NUP210: variants seen among roughly 807,000 people sequenced by gnomAD.
NUP210 encodes the protein nucleoporin 210.
In NUP210, 151 loss-of-function variants were observed where a neutral mutation model predicts 196.0. The ratio of observed to expected loss-of-function variants is 0.77; its 90% CI spans 0.67 to 0.88. The LOEUF (loss-of-function observed/expected upper bound fraction) is 0.88, where lower values mean the gene tolerates loss of function less well. Among genes scored for constraint, NUP210 ranks in the 40% least tolerant of loss-of-function variants. The pLI, the probability that NUP210 is intolerant of heterozygous loss-of-function variation, is 0.00. For missense variants in NUP210, 2,314 were observed against 2,493.7 expected (o/e 0.93, Z 1.53); for synonymous variants, 1,070 against 1,052.7 (o/e 1.02, Z -0.32).
rs1167189036 is a variant in NUP210 at position 13,420,279 on chromosome 3, C to G, written c.-53G>C. The G allele has an allele frequency of 2.1e-5, 21 of 1,023,152 alleles. No individual in the cohort carries two copies. The South Asian group carries it at 6.2e-4, about 30-fold the overall frequency. 63.4% of individuals were successfully genotyped at this position (1,023,152 alleles called of 1,614,324 possible). The stretch of plus-strand genomic sequence containing the variant: ...CTGCGCCCGGCCGCCCGCGCCGCCC[C>G]GTTGCCCTCCGCTCCCGCCCGCGCG... On this transcript the variant is annotated 5_prime_UTR_variant, in exon 1 of 40. Transcript: ENST00000254508. The surrounding 1 kb of genome is among the most constrained non-coding windows in gnomAD (Gnocchi z 4.8).
chr3:13,330,522 T>C lies in NUP210; in HGVS notation c.4048A>G (p.Thr1350Ala), dbSNP rs754228828. ...LASGSMIGTS[T>A]IEVIAQEPFG... is the part of the protein sequence containing the mutation. The stretch of plus-strand genomic sequence containing the variant: ...GGCTCTTGTGCAATCACTTCGATGG[T>C]GGATGTCCCGATCATAGACCCTGAT... The change falls in exon 30 of 40, where the codon ACC becomes GCC. Residue 1350 changes from threonine to alanine, a missense_variant. Coordinates refer to ENST00000254508, the MANE Select transcript of NUP210 (RefSeq NM_024923.4). The C allele has an allele frequency of 1.9e-6, 3 of 1,614,146 alleles. No homozygotes were observed. The highest frequency in any genetic ancestry group is 2.5e-6 in the Non-Finnish European group (3 of 1,180,056).
At position 13,347,109 on chromosome 3, in the gene NUP210, C is replaced by T. The variant is rs754718297; in HGVS notation, c.2836-3806G>A. ...CCTCACCTGAACAATGGCCCCATGA[C>T]GGGCTGCGCCTCACAGGACCCAGGA... is the stretch of plus-strand genomic sequence containing the variant. On this transcript the variant is annotated intron_variant, in intron 20 of 39. Coordinates refer to ENST00000254508, the MANE Select transcript of NUP210 (RefSeq NM_024923.4). This position sits in a 1 kb window ranked among gnomAD's most constrained non-coding sequence, Gnocchi z 4.7. 243 of 985,312 alleles carry T rather than the reference C, an allele frequency of 2.5e-4. No homozygotes were observed. Among genetic ancestry groups the T allele is most frequent in the Admixed American group, 7.4e-4 (12 of 16,262 alleles). The allele number at this position is 985,312 out of a possible 1,614,324, so 61.0% of individuals were successfully genotyped here.
At position 13,387,969 on chromosome 3, in the gene NUP210, G is replaced by A. The variant is rs185995479; in HGVS notation, c.684+334C>T. 6.3e-4 allele frequency among the ~76,000 whole-genome samples: 96 copies of A among 152,220 alleles called. 3 individuals carry two copies. The East Asian group carries it at 0.017, about 26-fold the overall frequency. ...TTGTCAAAGCCCCAAGTGCTTGGGAGTGTCCCTATACCAGCACGGTGGGGG... is the reference window on the plus strand; with the variant it reads ...TTGTCAAAGCCCCAAGTGCTTGGGAATGTCCCTATACCAGCACGGTGGGGG... On this transcript the variant is annotated intron_variant, in intron 5 of 39. Coordinates refer to ENST00000254508, the MANE Select transcript of NUP210 (RefSeq NM_024923.4).
chr3:13,335,225 T>C (rs1055958755), intron 28 of NUP210, among the ~76,000 whole-genome samples: 8 of 152,202 alleles, frequency 5.3e-5, no homozygotes, highest in Non-Finnish European at 1.2e-4. Context: ...CCTCCCATCC[T>C]GAAACATTAC....
intron 4 of NUP210, among the ~76,000 whole-genome samples, chr3:13,389,230 T>C (rs919182861): frequency 3.3e-5 from 5 of 152,248 alleles, no homozygotes; most frequent in African/African-American, 1.2e-4. Context: ...CCTTGGCATC[T>C]GGGATTTCTG....
intron 32 of NUP210, among the ~76,000 whole-genome samples, chr3:13,326,525 G>GA (rs1238964380): frequency 7.2e-6 from 1 of 138,326 alleles, no homozygotes; most frequent in African/African-American, 2.5e-5. Flanking sequence ...CTTTTAAAAT[G>GA]AATTTAGTAA....
intron 28 of NUP210, among the ~76,000 whole-genome samples, chr3:13,333,345 C>T (rs1697077451): frequency 6.6e-6 from 1 of 152,268 alleles, no homozygotes; most frequent in African/African-American, 2.4e-5. Context: ...GGGGCAACCA[C>T]TCGCTGGCAG....
chr3:13,341,338 C>T (rs1697484222), intron 23 of NUP210, among the ~76,000 whole-genome samples: 1 of 152,206 alleles, frequency 6.6e-6, no homozygotes, highest in African/African-American at 2.4e-5. Flanking sequence ...GACAGGTGCC[C>T]ACTGCCCTCG....
chr3:13,334,945 C>T (rs1240848783), intron 28 of NUP210, among the ~76,000 whole-genome samples: 3 of 152,210 alleles, frequency 2.0e-5, no homozygotes, highest in African/African-American at 7.2e-5. Context: ...CCCCAACTTA[C>T]CCTGTGACCT....
chr3:13,317,692 C>T lies in NUP210; in HGVS notation c.5653G>A (p.Ala1885Thr), dbSNP rs758967590. 6 of 1,608,124 alleles carry T rather than the reference C, an allele frequency of 3.7e-6. No homozygotes were observed. The highest frequency in any genetic ancestry group is 1.1e-5 in the South Asian group (1 of 89,714). The change falls in exon 40 of 40, where the codon GCC becomes ACC. Residue 1885 changes from alanine (A) to threonine (T), a missense_variant. Physicochemically the swap from Ala to Thr is moderately conservative, Grantham distance 58. Transcript: ENST00000254508. ...AACCTTCACGCGGCCTAGTGGGAGGCATAGGCTGGGCTCCACAGCCCTGAG... is the reference window on the plus strand; with the variant it reads ...AACCTTCACGCGGCCTAGTGGGAGGTATAGGCTGGGCTCCACAGCCCTGAG... ...PPSGLWSPAY[A>T]SH
At chr3:13,393,925 G>C (rs1699569909) in intron 3 of NUP210, among the ~76,000 whole-genome samples, 1 of 152,182 alleles carries the variant, frequency 6.6e-6, no homozygotes, top group Non-Finnish European at 1.5e-5. Flanking sequence ...ATTCAACCTA[G>C]CAAACATTTA....
At chr3:13,371,286 G>C (rs1300385793) in intron 13 of NUP210, among the ~76,000 whole-genome samples, 1 of 152,160 alleles carries the variant, frequency 6.6e-6, no homozygotes, top group East Asian at 1.9e-4. Flanking sequence ...TTCTTCATCT[G>C]TCACATGGGC....
chr3:13,353,513 C>A (rs375107879), intron 18 of NUP210, 41 bp downstream of exon 18: 1 of 1,522,132 alleles, frequency 6.6e-7, no homozygotes, highest in East Asian at 2.3e-5. Flanking sequence ...AGGCTTGCCC[C>A]GCTACCCATA....
intron 11 of NUP210, among the ~76,000 whole-genome samples, chr3:13,374,276 C>A (rs554118602): frequency 1.3e-5 from 2 of 152,192 alleles, no homozygotes; most frequent in East Asian, 1.9e-4. Context: ...TTCGCACCCA[C>A]GGTACACTCA....
chr3:13,321,627 C>A lies in NUP210; in HGVS notation c.5124G>T (p.Glu1708Asp). Residue 1708 changes from glutamate to aspartate, a missense_variant, in exon 36 of 40, where the codon GAG (glutamate) becomes GAT (aspartate). Glu to Asp is a conservative substitution (Grantham distance 45, BLOSUM62 2). Transcript: ENST00000254508. Reference sequence around the variant, plus strand: ...CCTCCGGGGCACCAAAGACCCTGATCTCGGAACTGGTGTAGTGGTTGCTCA... The same window carrying A: ...CCTCCGGGGCACCAAAGACCCTGATATCGGAACTGGTGTAGTGGTTGCTCA... Reference protein sequence around the residue: ...ILLSNHYTSSEIRVFGAPEVL... With the variant: ...ILLSNHYTSSDIRVFGAPEVL... The A allele has an allele frequency of 6.2e-7, 1 of 1,614,134 alleles. No individual in the cohort carries two copies. Among genetic ancestry groups the A allele is most frequent in the Non-Finnish European group, 8.5e-7 (1 of 1,180,010 alleles).
At chr3:13,383,869 A>C (rs1210412092) in intron 6 of NUP210, among the ~76,000 whole-genome samples, 1 of 151,730 alleles carries the variant, frequency 6.6e-6, no homozygotes, top group Non-Finnish European at 1.5e-5. Flanking sequence ...TCTTAACTAC[A>C]TGGGCTCTGC....
intron 5 of NUP210, among the ~76,000 whole-genome samples, chr3:13,386,734 C>T (rs1385129458): frequency 6.6e-6 from 1 of 152,088 alleles, no homozygotes; most frequent in Admixed American, 6.5e-5. Flanking sequence ...CTATGGCCAC[C>T]GGGAGCTCAA....
intron 1 of NUP210, among the ~76,000 whole-genome samples, chr3:13,406,853 C>CA: frequency 6.6e-6 from 1 of 150,960 alleles, no homozygotes; most frequent in Non-Finnish European, 1.5e-5. Flanking sequence ...CCCCACCCCC[C>CA]ACACGGCACA....
chr3:13,370,950 G>A (rs944025825), intron 13 of NUP210, among the ~76,000 whole-genome samples: 12 of 152,210 alleles, frequency 7.9e-5, no homozygotes, highest in Non-Finnish European at 1.8e-4. Flanking sequence ...GTGATTCAAC[G>A]GGTCCTCTGT....
Sources: gnomAD v4.1 joint callset for allele counts (sites outside exome capture counted in the v4.1 genomes callset) on GRCh38, gnomAD v4.1.1 for gene constraint, Gnocchi (gnomAD v3.1) non-coding constraint, MANE v1.5 for transcripts, NCBI Gene and HGNC (gene_info 2026-07-23, HGNC 2026-07-21) for gene names.